The following SLC12A4 variants were observed in gnomAD, a reference collection of about 807,000 sequenced individuals.
SLC12A4 encodes electroneutral potassium-chloride cotransporter 1.
In SLC12A4, 84 loss-of-function variants were observed where a neutral mutation model predicts 119.2. The observed-to-expected ratio is 0.70, with a 90% confidence interval of 0.59 to 0.85. The LOEUF (loss-of-function observed/expected upper bound fraction) is 0.85, where lower values mean the gene tolerates loss of function less well. Among genes scored for constraint, SLC12A4 ranks in the 40% least tolerant of loss-of-function variants. SLC12A4 has a pLI of 0.00. For missense variants in SLC12A4, 1,298 were observed against 1,476.3 expected (o/e 0.88, Z 1.98); for synonymous variants, 599 against 604.6 (o/e 0.99, Z 0.14).
intron 1 of SLC12A4, 45 bp from the exon 2 acceptor site, chr16:67,963,604 C>T: frequency 7.2e-7 from 1 of 1,395,598 alleles, no homozygotes. Flanking sequence ...CTGAGCCCCC[C>T]AGCCTGGGCC....
At position 67,943,561 on chromosome 16, in the gene SLC12A4, C is replaced by T. The variant is rs1260231798; in HGVS notation, c.*1279G>A. 2 of 505,798 alleles carry T rather than the reference C, an allele frequency of 4.0e-6. No individual in the cohort carries two copies. Among genetic ancestry groups the T allele is most frequent in the Middle Eastern group, 5.4e-4 (1 of 1,856 alleles). 31.3% of individuals were successfully genotyped at this position (505,798 alleles called of 1,614,324 possible). On this transcript the variant is annotated 3_prime_UTR_variant, in exon 24 of 24. Coordinates refer to ENST00000316341, the MANE Select transcript of SLC12A4 (RefSeq NM_005072.5). The surrounding 1 kb of genome is among the most constrained non-coding windows in gnomAD (Gnocchi z 4.6). ...GGGGCTGGGCCTAATAGGGGCCGGG[C>T]ATGGATGGGCCTCTCCTGCTCACCG...
In SLC12A4 at chr16:67,945,857, G is replaced by A. The variant is rs2058338784; in HGVS notation, c.2754C>T (p.Ile918=). The change falls in exon 21 of 24, where the codon ATC becomes ATT. Residue 918 remains isoleucine (I), a synonymous_variant. Transcript: ENST00000316341. ...GCGTCCGCTCGTAGGTGTATGCAGA[G>A]ATGTCACTGTTATGCTGGGGACAGG... The part of the protein sequence containing the change: ...VEVVEMHNSD[I]SAYTYERTLM... 1 of 1,614,066 alleles carries A rather than the reference G, an allele frequency of 6.2e-7. No homozygotes were observed.
chr16:67,960,475 G>A (rs756259729), intron 3 of SLC12A4, among the ~76,000 whole-genome samples: 1 of 151,946 alleles, frequency 6.6e-6, no homozygotes, highest in Admixed American at 6.6e-5. Flanking sequence ...GGTGAGAGAC[G>A]CGCTTCAGTG....
Position 67,944,010 on chromosome 16 carries a change from A to C in SLC12A4, c.*830T>G, listed in dbSNP as rs1403044426. 3 of 1,547,978 alleles carry C rather than the reference A, an allele frequency of 1.9e-6. No homozygotes were observed. Among genetic ancestry groups the C allele is most frequent in the Non-Finnish European group, 2.6e-6 (3 of 1,145,714 alleles). ...CTTGGGCGTGGTGTGCGGGGGGAAG[A>C]GCACATTGAGGAGCCAGAAGGGGGC... On this transcript the variant is annotated 3_prime_UTR_variant, in exon 24 of 24. Coordinates refer to ENST00000316341, the MANE Select transcript of SLC12A4 (RefSeq NM_005072.5). This position sits in a 1 kb window ranked among gnomAD's most constrained non-coding sequence, Gnocchi z 6.6.
intron 6 of SLC12A4, among the ~76,000 whole-genome samples, chr16:67,954,418 C>T (rs961854525): frequency 3.9e-5 from 6 of 152,186 alleles, no homozygotes; most frequent in Non-Finnish European, 7.3e-5. Context: ...CATCCAGGGC[C>T]GAGGTGAAGG....
At chr16:67,952,515 A>G (rs2029982969) in intron 6 of SLC12A4, 90 bp from the exon 7 acceptor site, 3 of 1,469,328 alleles carry the variant, frequency 2.0e-6, no homozygotes, top group South Asian at 1.2e-5. Context: ...AGTACCTAAA[A>G]GAGGCCGGGC....
chr16:67,963,869 C>A, intron 1 of SLC12A4: 1 of 1,540,698 alleles, frequency 6.5e-7, no homozygotes, highest in South Asian at 1.2e-5. Context: ...GCGGGGCCAG[C>A]GTTTGACCCG....
intron 21 of SLC12A4, 94 bp from the exon 22 acceptor site, chr16:67,945,647 A>G: frequency 6.6e-7 from 1 of 1,511,356 alleles, no homozygotes; most frequent in Non-Finnish European, 9.0e-7. Context: ...CCGGGAAATG[A>G]GCACTAGCTT....
At position 67,950,169 on chromosome 16, in the gene SLC12A4, G is replaced by A; in HGVS notation, c.1629+150C>T. On this transcript the variant is annotated intron_variant, in intron 12 of 23. Transcript: ENST00000316341. This position sits in a 1 kb window ranked among gnomAD's most constrained non-coding sequence, Gnocchi z 4.3. ...CAGGCCCAGGTGAGTGCCAGGCCCA[G>A]GGCACTTCTCAGTAGCTCCTCATGG... is the stretch of plus-strand genomic sequence containing the variant. 1.1e-6 allele frequency: 1 copy of A among 925,242 alleles called. No individual in the cohort carries two copies. The highest frequency in any genetic ancestry group is 1.7e-5 in the South Asian group (1 of 58,370). 57.3% of individuals were successfully genotyped at this position (925,242 alleles called of 1,614,324 possible).
intron 5 of SLC12A4, among the ~76,000 whole-genome samples, chr16:67,956,998 A>ATTAT (rs909655611): frequency 6.6e-6 from 1 of 151,336 alleles, no homozygotes; most frequent in Non-Finnish European, 1.5e-5. Context: ...GCACTTTTTT[A>ATTAT]TTATTTATTT....
At position 67,944,119 on chromosome 16, in the gene SLC12A4, C is replaced by G. The variant is rs1036816457; in HGVS notation, c.*721G>C. The G allele has an allele frequency of 3.2e-6, 5 of 1,546,516 alleles. No homozygotes were observed. Among genetic ancestry groups the G allele is most frequent in the Non-Finnish European group, 4.4e-6 (5 of 1,145,450 alleles). On this transcript the variant is annotated 3_prime_UTR_variant, in exon 24 of 24. Coordinates refer to ENST00000316341, the MANE Select transcript of SLC12A4 (RefSeq NM_005072.5). This position sits in a 1 kb window ranked among gnomAD's most constrained non-coding sequence, Gnocchi z 6.6. ...GGCCCCATTCCAGCCCTGGTGCCTA[C>G]TGCCAGAGAAAGCGGCACTGGGCTG...
In SLC12A4 at chr16:67,951,998, C is replaced by G; in HGVS notation, c.957G>C (p.Gln319His). ...CAGCTGTCTTGGCACAGATGTCAAA[C>G]TGGTCCCGGGACAGGGTCCTGTTGC... ...MLGNRTLSRD[Q>H]FDICAKTAVV... The change falls in exon 8 of 24, where the codon CAG becomes CAC. Residue 319 changes from glutamine to histidine, a missense_variant. Gln to His is a conservative substitution (Grantham distance 24, BLOSUM62 0). Transcript: ENST00000316341. The surrounding 1 kb of genome is among the most constrained non-coding windows in gnomAD (Gnocchi z 5.2). 6.2e-7 allele frequency: 1 copy of G among 1,614,102 alleles called. No homozygotes were observed. Among genetic ancestry groups the G allele is most frequent in the South Asian group, 1.1e-5 (1 of 91,082 alleles).
At chr16:67,968,661 C>G, upstream of SLC12A4, 5 of 1,284,644 alleles carry the variant, frequency 3.9e-6, no homozygotes, top group Non-Finnish European at 4.9e-6. Context: ...GCATTCCTCC[C>G]CGCTGCGCTC....
intron 4 of SLC12A4, 36 bp from the exon 5 acceptor site, chr16:67,957,832 G>A: frequency 1.2e-6 from 2 of 1,614,150 alleles, no homozygotes; most frequent in Non-Finnish European, 1.7e-6. Flanking sequence ...CGGCTCAGCT[G>A]GGTGGGCTCT....
In SLC12A4 at chr16:67,944,153, T is replaced by C. The variant is rs1188819587; in HGVS notation, c.*687A>G. On this transcript the variant is annotated 3_prime_UTR_variant, in exon 24 of 24. Coordinates refer to ENST00000316341, the MANE Select transcript of SLC12A4 (RefSeq NM_005072.5). The surrounding 1 kb of genome is among the most constrained non-coding windows in gnomAD (Gnocchi z 6.6). ...AAAGCGGCACTGGGCTGTCCTTATC[T>C]GGTGTGGGAGTGGGAGGGGCCCTAG... 5 of 1,530,404 alleles carry C rather than the reference T, an allele frequency of 3.3e-6. No individual in the cohort carries two copies. Among genetic ancestry groups the C allele is most frequent in the Non-Finnish European group, 4.4e-6 (5 of 1,133,274 alleles). 94.8% of individuals were successfully genotyped at this position (1,530,404 alleles called of 1,614,324 possible).
At position 67,948,062 on chromosome 16, in the gene SLC12A4, A is replaced by G; in HGVS notation, c.1846T>C (p.Trp616Arg). ...NWRPRFKYYH[W>R]ALSFLGMSLC... is the part of the protein sequence containing the mutation. ...TCCCGTGTCAGAGGCATGGCTCACC[A>G]GTGATAGTACTTGAACCGGGGCCGC... The change falls in exon 14 of 24, where the codon TGG becomes CGG. Residue 616 changes from tryptophan to arginine, a missense_variant and splice_region_variant. Coordinates refer to ENST00000316341, the MANE Select transcript of SLC12A4 (RefSeq NM_005072.5). The G allele has an allele frequency of 1.2e-6, 2 of 1,613,058 alleles. No individual in the cohort carries two copies. The highest frequency in any genetic ancestry group is 1.1e-5 in the South Asian group (1 of 91,088).
chr16:67,952,017 C>T lies in SLC12A4; in HGVS notation c.938G>A (p.Arg313Lys), dbSNP rs1302679376. 6 of 1,613,878 alleles carry T rather than the reference C, an allele frequency of 3.7e-6. No homozygotes were observed. Among genetic ancestry groups the T allele is most frequent in the Middle Eastern group, 1.6e-4 (1 of 6,074 alleles). Residue 313 changes from arginine to lysine, a missense_variant, in exon 8 of 24, where the codon AGG becomes AAG. By Grantham distance (26) the Arg-to-Lys change is conservative. Coordinates refer to ENST00000316341, the MANE Select transcript of SLC12A4 (RefSeq NM_005072.5). ...GTCAAACTGGTCCCGGGACAGGGTCCTGTTGCCCAGCATGCATACCCTGTG... is the reference window on the plus strand; with the variant it reads ...GTCAAACTGGTCCCGGGACAGGGTCTTGTTGCCCAGCATGCATACCCTGTG... ...PVFPVCMLGN[R>K]TLSRDQFDIC...
rs781583793 is a variant in SLC12A4 at position 67,951,776 on chromosome 16, G to T, written c.1132+47C>A. ...GGACAGCTCTGTGCTCTGTGCCCCTGCTCAGCCTGTGGGCTCAAGAGCAAG... is the reference window on the plus strand; with the variant it reads ...GGACAGCTCTGTGCTCTGTGCCCCTTCTCAGCCTGTGGGCTCAAGAGCAAG... On this transcript the variant is annotated intron_variant, in intron 8 of 23. Coordinates refer to ENST00000316341, the MANE Select transcript of SLC12A4 (RefSeq NM_005072.5). This position sits in a 1 kb window ranked among gnomAD's most constrained non-coding sequence, Gnocchi z 5.2. 7.9e-6 allele frequency: 12 copies of T among 1,511,830 alleles called. No homozygotes were observed. In the Admixed American group the frequency reaches 1.5e-4, roughly 19 times the overall value. The allele number at this position is 1,511,830 out of a possible 1,614,324, so 93.7% of individuals were successfully genotyped here.
chr16:67,954,524 CT>C (rs2030136364), intron 6 of SLC12A4, 118 bp downstream of exon 6: 28 of 1,282,126 alleles, frequency 2.2e-5, no homozygotes, highest in Non-Finnish European at 2.9e-5. Context: ...AGGCTTCCTA[CT>C]TTATAATACC....
Sources: gnomAD v4.1 joint callset for allele counts (sites outside exome capture counted in the v4.1 genomes callset) on GRCh38, gnomAD v4.1.1 for gene constraint, Gnocchi (gnomAD v3.1) non-coding constraint, MANE v1.5 for transcripts, NCBI Gene and HGNC (gene_info 2026-07-23, HGNC 2026-07-21) for gene names.